CSNK2A2IP: variants seen among roughly 807,000 people sequenced by gnomAD.
CSNK2A2IP encodes the protein casein kinase II subunit alpha'-interacting protein.
the CSNK2A2IP span, among the ~76,000 whole-genome samples, chr3:88,368,202 G>T: frequency 2.6e-5 from 4 of 151,988 alleles, no homozygotes; most frequent in Non-Finnish European, 5.9e-5. Context: ...TTTATTGAGG[G>T]CCTACTAGTT....
the CSNK2A2IP span, among the ~76,000 whole-genome samples, chr3:88,428,706 GT>G: frequency 6.6e-6 from 1 of 152,098 alleles, no homozygotes; most frequent in East Asian, 1.9e-4. Flanking sequence ...TGAGAAAACA[GT>G]TTGAGGGCTG....
the CSNK2A2IP span, among the ~76,000 whole-genome samples, chr3:88,386,661 C>T: frequency 5.9e-5 from 9 of 151,990 alleles, no homozygotes; most frequent in African/African-American, 9.7e-5. Flanking sequence ...GTTAATCGTA[C>T]GCATGTTGGA....
At chr3:88,344,411 G>C in the CSNK2A2IP span, among the ~76,000 whole-genome samples, 1 of 151,722 alleles carries the variant, frequency 6.6e-6, no homozygotes, top group African/African-American at 2.4e-5. Context: ...AATAACTACA[G>C]GTTCATATTG....
chr3:88,409,841 C>T, the CSNK2A2IP span, among the ~76,000 whole-genome samples: 1 of 151,998 alleles, frequency 6.6e-6, no homozygotes, highest in African/African-American at 2.4e-5. Flanking sequence ...TTATTGGTGA[C>T]TTGTAAAATG....
chr3:88,463,704 G>T, the CSNK2A2IP span, among the ~76,000 whole-genome samples: 2 of 152,128 alleles, frequency 1.3e-5, no homozygotes, highest in African/African-American at 4.8e-5. Context: ...ACTGTTGGTG[G>T]GACTGTGAAC....
the CSNK2A2IP span, among the ~76,000 whole-genome samples, chr3:88,396,625 T>C: frequency 6.6e-6 from 1 of 152,152 alleles, no homozygotes; most frequent in Non-Finnish European, 1.5e-5. Context: ...GAGATGATCA[T>C]GGTAGTTAGG....
At chr3:88,445,671 G>A in the CSNK2A2IP span, among the ~76,000 whole-genome samples, 2,065 of 152,042 alleles carry the variant, frequency 0.014, 38 homozygotes, top group African/African-American at 0.048. Context: ...TGATCCTCCT[G>A]TCCCAGCATC....
the CSNK2A2IP span, among the ~76,000 whole-genome samples, chr3:88,427,117 T>A: frequency 6.6e-6 from 1 of 152,182 alleles, no homozygotes; most frequent in African/African-American, 2.4e-5. Context: ...ACTAAAATGC[T>A]GATAGTGATA....
the CSNK2A2IP span, among the ~76,000 whole-genome samples, chr3:88,449,987 C>A: frequency 6.7e-6 from 1 of 150,332 alleles, no homozygotes; most frequent in South Asian, 2.1e-4. Context: ...CCTGCCTCAG[C>A]CTCCCAAGTA....
At chr3:88,362,831 A>AG in the CSNK2A2IP span, among the ~76,000 whole-genome samples, 1 of 152,176 alleles carries the variant, frequency 6.6e-6, no homozygotes, top group African/African-American at 2.4e-5. Context: ...CTGGCATCAA[A>AG]GTTGCAAGAC....
chr3:88,374,192 A>C, the CSNK2A2IP span, among the ~76,000 whole-genome samples: 1 of 151,712 alleles, frequency 6.6e-6, no homozygotes, highest in Non-Finnish European at 1.5e-5. Flanking sequence ...ATGGTGAATT[A>C]AATTAAGGTT....
chr3:88,462,010 G>C, the CSNK2A2IP span, among the ~76,000 whole-genome samples: 1 of 151,280 alleles, frequency 6.6e-6, no homozygotes, highest in Non-Finnish European at 1.5e-5. Flanking sequence ...TTAGCCATTT[G>C]GATATCCTTG....
the CSNK2A2IP span, among the ~76,000 whole-genome samples, chr3:88,429,660 G>A: frequency 6.6e-6 from 1 of 152,176 alleles, no homozygotes; most frequent in Non-Finnish European, 1.5e-5. Context: ...TATTGATGAT[G>A]TCAAGAAATT....
At chr3:88,442,888 T>A in the CSNK2A2IP span, among the ~76,000 whole-genome samples, 2 of 151,968 alleles carry the variant, frequency 1.3e-5, no homozygotes, top group African/African-American at 2.4e-5. Flanking sequence ...TAATAAAAAA[T>A]TATTTATTAT....
the CSNK2A2IP span, among the ~76,000 whole-genome samples, chr3:88,418,936 G>A: frequency 2.6e-5 from 4 of 152,134 alleles, no homozygotes; most frequent in Admixed American, 6.5e-5. Flanking sequence ...TCTGCCTGCC[G>A]TCAGATCAGC....
chr3:88,351,123 A>G, the CSNK2A2IP span, among the ~76,000 whole-genome samples: 1 of 152,196 alleles, frequency 6.6e-6, no homozygotes, highest in Admixed American at 6.6e-5. Flanking sequence ...TAATATTAGA[A>G]AATGAAGAAA....
chr3:88,424,809 C>CCT, the CSNK2A2IP span, among the ~76,000 whole-genome samples: 3 of 151,096 alleles, frequency 2.0e-5, no homozygotes, highest in Non-Finnish European at 4.4e-5. Flanking sequence ...TTTAACAAAG[C>CCT]TTTTTTTTTC....
the CSNK2A2IP span, among the ~76,000 whole-genome samples, chr3:88,464,326 A>C: frequency 6.6e-6 from 1 of 150,540 alleles, no homozygotes; most frequent in Non-Finnish European, 1.5e-5. Flanking sequence ...TAATAAATAA[A>C]TAAATATATC....
At chr3:88,393,974 A>G in the CSNK2A2IP span, among the ~76,000 whole-genome samples, 2 of 152,184 alleles carry the variant, frequency 1.3e-5, no homozygotes, top group Admixed American at 1.3e-4. Flanking sequence ...GACAATGATG[A>G]CAAAGACCCA....
Sources: gnomAD v4.1 joint callset for allele counts (sites outside exome capture counted in the v4.1 genomes callset) on GRCh38, gnomAD v4.1.1 for gene constraint, MANE v1.5 for transcripts, NCBI Gene and HGNC (gene_info 2026-07-23, HGNC 2026-07-21) for gene names.